DPP10: variants seen among roughly 807,000 people sequenced by gnomAD.
The protein encoded by DPP10 is dipeptidyl peptidase like 10.
Under a neutral mutation model 120.9 loss-of-function variants are expected in DPP10, and 33 were observed. The observed-to-expected ratio is 0.27, with a 90% CI of 0.21 to 0.37. The LOEUF (loss-of-function observed/expected upper bound fraction) is 0.37. Ranked by LOEUF, DPP10 falls within the 10% of genes least tolerant of loss-of-function variation. The pLI is 1.00. For synonymous variants in DPP10, 337 were observed against 326.1 expected, an observed-to-expected ratio of 1.03 and a Z score of -0.36; for missense variants, 816 against 942.8, an observed-to-expected ratio of 0.87 and a Z score of 1.76.
intron 1 of DPP10, among the ~76,000 whole-genome samples, chr2:114,823,365 G>A (rs1375599851): frequency 1.3e-5 from 2 of 152,002 alleles, no homozygotes; most frequent in African/African-American, 2.4e-5. Context: ...CACCCCCCAC[G>A]AAGTCCCTCA....
chr2:115,526,216 G>T (rs1474333694), intron 5 of DPP10: 1 of 386,778 alleles, frequency 2.6e-6, no homozygotes, highest in East Asian at 4.5e-5. Flanking sequence ...CCATCTCTTG[G>T]CAGAGGAGAA....
chr2:114,639,045 A>G (rs1364183809), intron 1 of DPP10, among the ~76,000 whole-genome samples: 4 of 151,884 alleles, frequency 2.6e-5, no homozygotes, highest in Admixed American at 1.3e-4. Context: ...ACAAAACCAA[A>G]TACTGCGTGT....
At chr2:114,570,704 G>T (rs1443390826) in intron 1 of DPP10, among the ~76,000 whole-genome samples, 1 of 151,348 alleles carries the variant, frequency 6.6e-6, no homozygotes, top group African/African-American at 2.4e-5. Flanking sequence ...GTGGTGGCGG[G>T]CGCCTGTAGT....
intron 1 of DPP10, among the ~76,000 whole-genome samples, chr2:114,540,965 C>T (rs767046724): frequency 6.6e-6 from 1 of 152,152 alleles, no homozygotes; most frequent in Non-Finnish European, 1.5e-5. Context: ...CCCTCCACTC[C>T]CGTCACAGCT....
In DPP10 at chr2:115,558,541, A is replaced by T. The variant is rs76714866; in HGVS notation, c.441+32569A>T. ...TAATGAGGATGAATTTTAACAAGCA[A>T]TCAGGGGCATCCTGAACTGGGTGGT... On this transcript the variant is annotated intron_variant, in intron 5 of 25. Transcript: ENST00000410059. Among the ~76,000 whole-genome samples, 86 of 152,282 alleles carry T rather than the reference A, an allele frequency of 5.6e-4. 3 individuals carry two copies. In the East Asian group the frequency reaches 0.015, roughly 27 times the overall value.
intron 1 of DPP10, among the ~76,000 whole-genome samples, chr2:114,577,759 AGCCTGTTCCAT>A (rs1198478722): frequency 6.6e-6 from 1 of 152,100 alleles, no homozygotes; most frequent in Non-Finnish European, 1.5e-5. Flanking sequence ...TGTGAGAAGG[AGCCTGTTCCAT>A]GCCTGTTCCC....
At position 115,561,985 on chromosome 2, in the gene DPP10, A is replaced by G. The variant is rs138685786; in HGVS notation, c.441+36013A>G. 2.7e-3 allele frequency among the ~76,000 whole-genome samples: 412 copies of G among 152,264 alleles called. 23 individuals are homozygous for G. The East Asian group carries it at 0.077, about 29-fold the overall frequency. On this transcript the variant is annotated intron_variant, in intron 5 of 25. Transcript: ENST00000410059. ...ATCTCCTTCCTTTCTGTGAAATCTG[A>G]CAGTTTGTCAAAAACACAACCCTGG...
intron 1 of DPP10, among the ~76,000 whole-genome samples, chr2:114,861,638 A>G (rs1309941238): frequency 6.6e-6 from 1 of 152,224 alleles, no homozygotes; most frequent in East Asian, 1.9e-4. Context: ...AATGCCAGAT[A>G]AGGTTGAATT....
intron 1 of DPP10, among the ~76,000 whole-genome samples, chr2:114,902,468 T>G (rs976311766): frequency 6.6e-6 from 1 of 152,202 alleles, no homozygotes; most frequent in African/African-American, 2.4e-5. Flanking sequence ...TTTTCTTGAT[T>G]GCTATTGCTT....
At chr2:114,642,072 G>C (rs1470864306) in intron 1 of DPP10, among the ~76,000 whole-genome samples, 1 of 151,900 alleles carries the variant, frequency 6.6e-6, no homozygotes, top group Admixed American at 6.5e-5. Flanking sequence ...CTCAGACACA[G>C]ACCTGCAGCC....
chr2:115,393,839 C>A (rs1348940173), intron 3 of DPP10, among the ~76,000 whole-genome samples: 1 of 152,036 alleles, frequency 6.6e-6, no homozygotes, highest in African/African-American at 2.4e-5. Flanking sequence ...GTTGGCTAGG[C>A]CAAGTAAGGG....
chr2:115,521,540 A>T (rs530950606), intron 4 of DPP10, among the ~76,000 whole-genome samples: 38 of 152,200 alleles, frequency 2.5e-4, no homozygotes, highest in Middle Eastern at 3.4e-3. Context: ...CCCAATGATA[A>T]AAACTTGAAA....
chr2:115,340,141 C>T (rs2063372800), intron 2 of DPP10, among the ~76,000 whole-genome samples: 1 of 151,696 alleles, frequency 6.6e-6, no homozygotes, highest in Non-Finnish European at 1.5e-5. Flanking sequence ...TAATTAGTTG[C>T]TTAAAATTTG....
chr2:114,726,880 G>A (rs1676372632), intron 1 of DPP10, among the ~76,000 whole-genome samples: 1 of 152,116 alleles, frequency 6.6e-6, no homozygotes, highest in Admixed American at 6.5e-5. Context: ...ATTAAGCTCT[G>A]GGAATGGAAA....
At chr2:114,812,690 A>C (rs1341697075) in intron 1 of DPP10, among the ~76,000 whole-genome samples, 4 of 149,026 alleles carry the variant, frequency 2.7e-5, no homozygotes, top group Admixed American at 2.7e-4. Context: ...GCTTCCTCCT[A>C]CTCCGACTTT....
Position 114,453,600 on chromosome 2 carries a change from G to C in DPP10, c.60+10762G>C, listed in dbSNP as rs184105760. On this transcript the variant is annotated intron_variant, in intron 1 of 25. Coordinates refer to ENST00000410059, the MANE Select transcript of DPP10 (RefSeq NM_020868.6). ...TTCTCAAACCTTCATTGTAACACCT[G>C]AATGCCCTCATGGTTAACAGGAGTA... Among the ~76,000 whole-genome samples, 566 of 152,224 alleles carry C rather than the reference G, an allele frequency of 3.7e-3. 2 individuals carry two copies. Among genetic ancestry groups the C allele is most frequent in the African/African-American group, 0.013 (537 of 41,542 alleles).
intron 5 of DPP10, among the ~76,000 whole-genome samples, chr2:115,564,969 A>G (rs1162479919): frequency 6.6e-6 from 1 of 152,086 alleles, no homozygotes; most frequent in Non-Finnish European, 1.5e-5. Context: ...CCCTGTTTTC[A>G]TTGGGAGAGG....
intron 3 of DPP10, among the ~76,000 whole-genome samples, chr2:115,419,311 G>C (rs1016625432): frequency 6.6e-6 from 1 of 152,166 alleles, no homozygotes; most frequent in East Asian, 1.9e-4. Flanking sequence ...TGGTTCCGCA[G>C]ACTGTACAAG....
chr2:115,493,400 C>G (rs1426541018), intron 3 of DPP10, among the ~76,000 whole-genome samples: 1 of 151,640 alleles, frequency 6.6e-6, no homozygotes, highest in African/African-American at 2.4e-5. Flanking sequence ...GATATGTGAT[C>G]TAGCATAGAA....
Sources: allele counts gnomAD v4.1 joint callset (sites outside exome capture counted in the v4.1 genomes callset), GRCh38; gene constraint gnomAD v4.1.1; transcripts MANE v1.5; gene names NCBI Gene and HGNC (gene_info 2026-07-23, HGNC 2026-07-21).